NBAS: variants seen among roughly 807,000 people sequenced by gnomAD.
The protein encoded by NBAS is NAG/BC035112 fusion.
A neutral mutation model predicts 302.5 loss-of-function variants in NBAS; 219 were observed. The observed-to-expected ratio is 0.72, with a 90% CI of 0.65 to 0.81. NBAS has a LOEUF of 0.81. NBAS is among the 30% of genes least tolerant of loss of function. The probability of loss-of-function intolerance (pLI) is 0.00; values close to 1 mark genes in which losing one functional copy is unlikely to be tolerated. For synonymous variants in NBAS, 1,118 were observed against 1,021.6 expected, an observed-to-expected ratio of 1.09 and a Z score of -1.80; for missense variants, 2,932 against 2,841.6, an observed-to-expected ratio of 1.03 and a Z score of -0.72.
chr2:15,289,158 C>A (rs1212757612), intron 41 of NBAS, among the ~76,000 whole-genome samples: 1 of 152,154 alleles, frequency 6.6e-6, no homozygotes, highest in Non-Finnish European at 1.5e-5. Context: ...CTCATTGTAG[C>A]CTTGACCTCC....
chr2:15,071,363 C>G, the NBAS span, among the ~76,000 whole-genome samples: 4 of 152,150 alleles, frequency 2.6e-5, no homozygotes, highest in African/African-American at 9.7e-5. Flanking sequence ...CGGTGGCTCG[C>G]GCCTGTAATC....
chr2:15,552,115 T>G (rs1208259430), intron 5 of NBAS, among the ~76,000 whole-genome samples: 4 of 152,182 alleles, frequency 2.6e-5, no homozygotes, highest in African/African-American at 9.7e-5. Flanking sequence ...AGAAAATAAT[T>G]TAATAACAAT....
At chr2:14,922,146 T>TAGAAAAC in the NBAS span, among the ~76,000 whole-genome samples, 1 of 152,128 alleles carries the variant, frequency 6.6e-6, no homozygotes, top group Non-Finnish European at 1.5e-5. Context: ...CCTGAGTGTC[T>TAGAAAAC]AGAAAACAGA....
intron 43 of NBAS, among the ~76,000 whole-genome samples, chr2:15,276,042 T>C (rs1669569681): frequency 6.6e-6 from 1 of 152,188 alleles, no homozygotes; most frequent in African/African-American, 2.4e-5. Context: ...GCCATTCATC[T>C]TCTGTGTGCC....
chr2:15,561,029 C>T (rs1314796735), intron 1 of NBAS, among the ~76,000 whole-genome samples, 159 bp downstream of exon 1: 7 of 150,848 alleles, frequency 4.6e-5, no homozygotes, highest in African/African-American at 1.7e-4. Context: ...CCTAGACCCC[C>T]GCTAGCCCAA....
intron 38 of NBAS, among the ~76,000 whole-genome samples, chr2:15,325,797 T>C (rs893743106): frequency 5.3e-5 from 8 of 152,210 alleles, no homozygotes; most frequent in African/African-American, 1.7e-4. Context: ...GGCTAACTAT[T>C]TGGGGCAAGA....
chr2:15,494,617 C>T (rs1324220046), intron 11 of NBAS, among the ~76,000 whole-genome samples: 1 of 152,172 alleles, frequency 6.6e-6, no homozygotes, highest in African/African-American at 2.4e-5. Flanking sequence ...CCTAGTCTCA[C>T]TAACCACTTT....
chr2:14,912,715 A>ATT, the NBAS span, among the ~76,000 whole-genome samples: 6 of 65,168 alleles, frequency 9.2e-5, no homozygotes, highest in African/African-American at 7.0e-4. Context: ...AAAAAAAAAA[A>ATT]AAAAAAAAAA....
intron 48 of NBAS, among the ~76,000 whole-genome samples, chr2:15,204,454 C>T (rs1165327143): frequency 6.6e-6 from 1 of 151,796 alleles, no homozygotes; most frequent in East Asian, 1.9e-4. Context: ...GAGGAGTTTA[C>T]AAATAAGAAA....
chr2:15,501,975 A>C (rs1169989431), intron 11 of NBAS, among the ~76,000 whole-genome samples: 25 of 152,208 alleles, frequency 1.6e-4, no homozygotes, highest in Admixed American at 1.4e-3. Flanking sequence ...AAACTTGAGT[A>C]GTAAAATAGA....
chr2:15,238,092 G>T (rs1343921224), intron 45 of NBAS, among the ~76,000 whole-genome samples: 1 of 151,962 alleles, frequency 6.6e-6, no homozygotes, highest in Non-Finnish European at 1.5e-5. Context: ...ATTTTTATTT[G>T]TTAATTCTAC....
the NBAS span, among the ~76,000 whole-genome samples, chr2:14,844,793 G>A: frequency 6.6e-6 from 1 of 152,196 alleles, no homozygotes; most frequent in Non-Finnish European, 1.5e-5. Flanking sequence ...GTGGTAATGG[G>A]GGCCATAGGA....
At chr2:15,347,218 C>T (rs1673133673) in intron 35 of NBAS, among the ~76,000 whole-genome samples, 1 of 152,176 alleles carries the variant, frequency 6.6e-6, no homozygotes. Flanking sequence ...AAATGTAAAA[C>T]ATGTGCAGAC....
chr2:15,495,765 T>C (rs1329492539), intron 11 of NBAS, among the ~76,000 whole-genome samples: 1 of 152,128 alleles, frequency 6.6e-6, no homozygotes, highest in African/African-American at 2.4e-5. Flanking sequence ...CTACTAGGAT[T>C]ACTAGAATAA....
At chr2:15,243,916 C>T (rs1485974705) in intron 44 of NBAS, among the ~76,000 whole-genome samples, 1 of 152,044 alleles carries the variant, frequency 6.6e-6, no homozygotes, top group Non-Finnish European at 1.5e-5. Context: ...CCAAGTAAAA[C>T]CTTTAGAAGA....
At chr2:15,384,904 T>C (rs1260489516) in intron 28 of NBAS, among the ~76,000 whole-genome samples, 2 of 152,210 alleles carry the variant, frequency 1.3e-5, no homozygotes. Flanking sequence ...CCAAACACTA[T>C]GCATTAAAAA....
intron 30 of NBAS, among the ~76,000 whole-genome samples, chr2:15,375,000 C>T (rs1250668239): frequency 1.3e-5 from 2 of 152,152 alleles, no homozygotes; most frequent in African/African-American, 4.8e-5. Context: ...TGGTAGGAAG[C>T]ATCATAACTC....
chr2:15,322,759 C>T (rs1211771191), intron 38 of NBAS, among the ~76,000 whole-genome samples: 2 of 152,056 alleles, frequency 1.3e-5, no homozygotes, highest in Non-Finnish European at 2.9e-5. Flanking sequence ...CATTTATAAC[C>T]TACATCACCC....
At chr2:15,271,270 T>C (rs1309379578) in intron 44 of NBAS, among the ~76,000 whole-genome samples, 1 of 152,192 alleles carries the variant, frequency 6.6e-6, no homozygotes, top group Non-Finnish European at 1.5e-5. Flanking sequence ...AGGCAAAAGA[T>C]ACCTTTTATT....
Sources: allele counts gnomAD v4.1 joint callset (sites outside exome capture counted in the v4.1 genomes callset), GRCh38; gene constraint gnomAD v4.1.1; transcripts MANE v1.5; gene names NCBI Gene and HGNC (gene_info 2026-07-23, HGNC 2026-07-21).